Variants in LCLAT1 observed in about 807,000 individuals in gnomAD.
LCLAT1 encodes the protein 1-AGP acyltransferase 8.
LCLAT1 carries 11 observed loss-of-function variants against 30.7 expected under a neutral mutation model. That is an observed-to-expected ratio of 0.36 (90% CI 0.23 to 0.59). The LOEUF (loss-of-function observed/expected upper bound fraction) is 0.59. Ranked by LOEUF, LCLAT1 falls within the 20% of genes least tolerant of loss-of-function variation. The pLI, the probability that LCLAT1 is intolerant of heterozygous loss-of-function variation, is 0.77. For synonymous variants in LCLAT1, 155 were observed against 151.3 expected (o/e 1.02, Z -0.18); for missense variants, 402 against 458.6 (o/e 0.88, Z 1.13).
At chr2:30,597,596 C>A (rs1666983562) in intron 5 of LCLAT1, among the ~76,000 whole-genome samples, 1 of 152,144 alleles carries the variant, frequency 6.6e-6, no homozygotes, top group African/African-American at 2.4e-5. Flanking sequence ...CAAACAAAGA[C>A]AATTTGGCTT....
At chr2:30,477,621 A>G (rs986652290) in intron 1 of LCLAT1, among the ~76,000 whole-genome samples, 5 of 152,174 alleles carry the variant, frequency 3.3e-5, no homozygotes, top group African/African-American at 4.8e-5. Context: ...ACTTCTGCGC[A>G]TACCTAAAGA....
intron 1 of LCLAT1, among the ~76,000 whole-genome samples, chr2:30,519,427 C>G (rs1321780090): frequency 6.6e-6 from 1 of 152,152 alleles, no homozygotes; most frequent in Non-Finnish European, 1.5e-5. Flanking sequence ...TGCCCCAGTT[C>G]AGCAGGAAGC....
At chr2:30,534,894 A>G (rs1409265792) in intron 3 of LCLAT1, among the ~76,000 whole-genome samples, 1 of 152,200 alleles carries the variant, frequency 6.6e-6, no homozygotes, top group East Asian at 1.9e-4. Context: ...AGGACTGATA[A>G]ATAAAAGAGA....
intron 5 of LCLAT1, among the ~76,000 whole-genome samples, chr2:30,614,755 A>T (rs576192031): frequency 1.3e-5 from 2 of 152,230 alleles, no homozygotes; most frequent in South Asian, 4.1e-4. Context: ...AAGCTGCAAG[A>T]CTGAAAGAGA....
chr2:30,459,435 AGATG>A, intron 1 of LCLAT1: 1 of 632,006 alleles, frequency 1.6e-6, no homozygotes, highest in Non-Finnish European at 2.8e-6. Context: ...TTCAGTACTC[AGATG>A]TTTCAGGTCC....
intron 4 of LCLAT1, among the ~76,000 whole-genome samples, chr2:30,565,161 G>A (rs1572632586): frequency 6.6e-6 from 1 of 152,152 alleles, no homozygotes; most frequent in Admixed American, 6.6e-5. Flanking sequence ...ATAGAAAGAG[G>A]TTGAGATTTA....
intron 1 of LCLAT1, among the ~76,000 whole-genome samples, chr2:30,484,481 G>T (rs959870999): frequency 1.3e-5 from 2 of 151,992 alleles, no homozygotes; most frequent in Non-Finnish European, 2.9e-5. Flanking sequence ...AATTTTGGGG[G>T]TTTTCTCAGT....
At chr2:30,539,557 A>T (rs1056349077) in intron 3 of LCLAT1, among the ~76,000 whole-genome samples, 1 of 152,112 alleles carries the variant, frequency 6.6e-6, no homozygotes, top group East Asian at 1.9e-4. Context: ...ATTTAAGAAC[A>T]TGTGTTATAA....
chr2:30,510,710 A>G (rs1311735023), intron 1 of LCLAT1, among the ~76,000 whole-genome samples: 1 of 152,136 alleles, frequency 6.6e-6, no homozygotes, highest in Non-Finnish European at 1.5e-5. Context: ...TATTACTGGC[A>G]TATGGGACCT....
intron 1 of LCLAT1, among the ~76,000 whole-genome samples, chr2:30,523,776 G>A (rs1685585553): frequency 6.6e-6 from 1 of 152,198 alleles, no homozygotes. Context: ...GCTGAGGCAG[G>A]AGAATCGCTT....
chr2:30,508,014 G>A (rs563493909), intron 1 of LCLAT1, among the ~76,000 whole-genome samples: 1 of 152,202 alleles, frequency 6.6e-6, no homozygotes, highest in South Asian at 2.1e-4. Flanking sequence ...TCTAATTGTG[G>A]TTTTGATTTG....
chr2:30,472,776 A>C (rs1682861395), intron 1 of LCLAT1, among the ~76,000 whole-genome samples: 1 of 152,132 alleles, frequency 6.6e-6, no homozygotes, highest in Non-Finnish European at 1.5e-5. Flanking sequence ...TTAGGAAGAA[A>C]CCCAGGTTCT....
intron 5 of LCLAT1, among the ~76,000 whole-genome samples, chr2:30,620,923 C>T (rs190657639): frequency 6.6e-6 from 1 of 152,272 alleles, no homozygotes; most frequent in East Asian, 1.9e-4. Flanking sequence ...TAGCTTGTCA[C>T]TGCATAACTC....
rs183956172 is a variant in LCLAT1 at position 30,492,458 on chromosome 2, T to A, written c.-4-33129T>A. On this transcript the variant is annotated intron_variant, in intron 1 of 5. Transcript: ENST00000379509. ...ATTCAGCTGTGGCTTGAGTAGAGTGTTAGGAAGCTGAATAGTTAGAGGAAA... is the reference window on the plus strand; with the variant it reads ...ATTCAGCTGTGGCTTGAGTAGAGTGATAGGAAGCTGAATAGTTAGAGGAAA... Among the ~76,000 whole-genome samples, 46 of 152,116 alleles carry A rather than the reference T, an allele frequency of 3.0e-4. 1 individual carries two copies. In the East Asian group the frequency reaches 8.5e-3, roughly 28 times the overall value.
intron 5 of LCLAT1, among the ~76,000 whole-genome samples, chr2:30,584,517 T>C (rs1049203376): frequency 6.6e-6 from 1 of 152,190 alleles, no homozygotes; most frequent in Non-Finnish European, 1.5e-5. Flanking sequence ...ATATCACTGC[T>C]TTGTATGGTA....
intron 4 of LCLAT1, among the ~76,000 whole-genome samples, chr2:30,565,448 C>A (rs919952533): frequency 6.6e-6 from 1 of 152,114 alleles, no homozygotes. Flanking sequence ...CTAAAAAATA[C>A]CTTCCCAGAA....
In LCLAT1 at chr2:30,469,845, G is replaced by A. The variant is rs986855266; in HGVS notation, c.-5+22462G>A. Among the ~76,000 whole-genome samples, 10 of 151,952 alleles carry A rather than the reference G, an allele frequency of 6.6e-5. 1 individual carries two copies. The East Asian group carries it at 9.7e-4, about 15-fold the overall frequency. On this transcript the variant is annotated intron_variant, in intron 1 of 5. Coordinates refer to ENST00000379509, the MANE Select transcript of LCLAT1 (RefSeq NM_001002257.3). ...CCTGACCTCATGATCCACCTGCTTC[G>A]GCCTCCCAAAGTGCTGAGATTACAT...
chr2:30,595,701 T>G (rs921340744), intron 5 of LCLAT1, among the ~76,000 whole-genome samples: 1 of 152,066 alleles, frequency 6.6e-6, no homozygotes, highest in African/African-American at 2.4e-5. Flanking sequence ...CATAGGAAAA[T>G]GTGTGCCATG....
chr2:30,546,469 C>G (rs1664416624), intron 3 of LCLAT1, among the ~76,000 whole-genome samples: 1 of 152,094 alleles, frequency 6.6e-6, no homozygotes, highest in Non-Finnish European at 1.5e-5. Flanking sequence ...GATTATAATG[C>G]ATGCTGCTGT....
Sources: gnomAD v4.1 joint callset for allele counts (sites outside exome capture counted in the v4.1 genomes callset) on GRCh38, gnomAD v4.1.1 for gene constraint, MANE v1.5 for transcripts, NCBI Gene and HGNC (gene_info 2026-07-23, HGNC 2026-07-21) for gene names.